DENND2A: variants seen among roughly 807,000 people sequenced by gnomAD.
DENND2A encodes DENN domain containing 2A.
Under a neutral mutation model 105.3 loss-of-function variants are expected in DENND2A, and 53 were observed. That is an observed-to-expected ratio of 0.50 (90% CI 0.40 to 0.63). The LOEUF (loss-of-function observed/expected upper bound fraction) is 0.63. DENND2A is among the 30% of genes least tolerant of loss of function. The pLI is 0.00. For missense variants in DENND2A, 1,138 were observed against 1,279.6 expected, an observed-to-expected ratio of 0.89 and a Z score of 1.69; for synonymous variants, 522 against 508.4, an observed-to-expected ratio of 1.03 and a Z score of -0.36.
chr7:140,602,517 C>G lies in DENND2A; in HGVS notation c.-120G>C. 8.8e-7 allele frequency: 1 copy of G among 1,134,890 alleles called. No homozygotes were observed. The highest frequency in any genetic ancestry group is 1.2e-6 in the Non-Finnish European group (1 of 833,608). The allele number at this position is 1,134,890 out of a possible 1,614,324, so 70.3% of individuals were successfully genotyped here. A position where few individuals can be genotyped will look rare whatever the true frequency, so the allele number is the denominator to read the frequency against. On this transcript the variant is annotated 5_prime_UTR_variant, in exon 3 of 20. Coordinates refer to ENST00000496613, the MANE Select transcript of DENND2A (RefSeq NM_015689.5). ...AGTGGATGCCTTCGAGGGTCTTTCT[C>G]AGTCCTTGGACCTTCCACCTTGACC... is the stretch of plus-strand genomic sequence containing the variant.
At chr7:140,589,341 G>A (rs73736633) in intron 3 of DENND2A, among the ~76,000 whole-genome samples, 3,615 of 152,274 alleles carry the variant, frequency 0.024, 145 homozygotes, top group African/African-American at 0.082. Flanking sequence ...TTACATTGCT[G>A]CATTACACAG....
chr7:140,548,861 C>T (rs1481074385), intron 12 of DENND2A, among the ~76,000 whole-genome samples: 1 of 151,876 alleles, frequency 6.6e-6, no homozygotes, highest in East Asian at 2.0e-4. Flanking sequence ...GATCCACCCA[C>T]CTCGGCTTCC....
chr7:140,626,325 G>A (rs1462145773), intron 1 of DENND2A, among the ~76,000 whole-genome samples: 1 of 152,218 alleles, frequency 6.6e-6, no homozygotes, highest in Non-Finnish European at 1.5e-5. Flanking sequence ...GCAGCCCTCA[G>A]GCTGCCATTT....
At chr7:140,575,497 T>A (rs1036471028) in intron 5 of DENND2A, among the ~76,000 whole-genome samples, 24 of 152,000 alleles carry the variant, frequency 1.6e-4, no homozygotes, top group African/African-American at 5.8e-4. Context: ...GATATACTCT[T>A]ATTTGTGCAA....
chr7:140,572,193 G>T (rs193045692), intron 6 of DENND2A, among the ~76,000 whole-genome samples: 1 of 151,876 alleles, frequency 6.6e-6, no homozygotes, highest in Admixed American at 6.6e-5. Context: ...TTTTTGTAGA[G>T]ATGGGGTTCC....
At chr7:140,546,655 T>A in intron 13 of DENND2A, 144 bp downstream of exon 13, 1 of 1,059,860 alleles carries the variant, frequency 9.4e-7, no homozygotes, top group Non-Finnish European at 1.3e-6. Flanking sequence ...GAACTCATGA[T>A]GAGTGATCTG....
intron 1 of DENND2A, among the ~76,000 whole-genome samples, chr7:140,610,219 C>T (rs1799844189): frequency 6.6e-6 from 1 of 151,786 alleles, no homozygotes; most frequent in Non-Finnish European, 1.5e-5. Context: ...AATCCTCCCA[C>T]CTTGGCCTCC....
At chr7:140,619,931 G>A (rs1032044015) in intron 1 of DENND2A, among the ~76,000 whole-genome samples, 11 of 151,854 alleles carry the variant, frequency 7.2e-5, no homozygotes, top group African/African-American at 2.4e-5. Context: ...AGTGACTCAC[G>A]CCTGTAACCC....
rs557733540 is a variant in DENND2A, at chr7:140,559,965, C to T, written c.1780-148G>A. The T allele has an allele frequency of 7.3e-6, 5 of 688,888 alleles. No individual in the cohort carries two copies. Among genetic ancestry groups the T allele is most frequent in the African/African-American group, 1.8e-5 (1 of 55,630 alleles). 42.7% of individuals were successfully genotyped at this position (688,888 alleles called of 1,614,324 possible). On this transcript the variant is annotated intron_variant, in intron 9 of 19. Coordinates refer to ENST00000496613, the MANE Select transcript of DENND2A (RefSeq NM_015689.5). The surrounding 1 kb of genome is among the most constrained non-coding windows in gnomAD (Gnocchi z 4.1). ...CCTTGGGAAGAGCTTGCAGCTCAGT[C>T]GGCTGGGGCATTTTCCCCCCAGTGC...
In DENND2A at chr7:140,573,848, C is replaced by T. The variant is rs773572471; in HGVS notation, c.1406G>A (p.Gly469Glu). 1.9e-6 allele frequency: 3 copies of T among 1,613,992 alleles called. No homozygotes were observed. In the East Asian group the frequency reaches 6.7e-5, roughly 36 times the overall value. The change falls in exon 6 of 20, where the codon GGA becomes GAA. Residue 469 changes from glycine to glutamate, a missense_variant. Around this residue, in one of 2 missense-constraint regions of DENND2A, gnomAD observed 627 missense variants for 779.8 expected, o/e 0.80. Coordinates refer to ENST00000496613, the MANE Select transcript of DENND2A (RefSeq NM_015689.5). Reference protein sequence around the residue: ...SSPDDIFFNLGDPQNGRKKRK... With the variant: ...SSPDDIFFNLEDPQNGRKKRK... Reference sequence around the variant, plus strand: ...CTTCTTCCTGCCGTTCTGTGGGTCTCCAAGGTTAAAGAAAATGTCATCAGG... The same window carrying T: ...CTTCTTCCTGCCGTTCTGTGGGTCTTCAAGGTTAAAGAAAATGTCATCAGG...
At chr7:140,596,362 A>G (rs1799282394) in intron 3 of DENND2A, among the ~76,000 whole-genome samples, 1 of 152,216 alleles carries the variant, frequency 6.6e-6, no homozygotes, top group African/African-American at 2.4e-5. Context: ...TCCTTTGAAG[A>G]CTTGAAACAT....
intron 1 of DENND2A, among the ~76,000 whole-genome samples, chr7:140,632,840 C>T (rs1277354037): frequency 6.7e-6 from 1 of 149,512 alleles, no homozygotes; most frequent in African/African-American, 2.5e-5. Flanking sequence ...GTTGGGGTTA[C>T]AGGCATGAGC....
chr7:140,567,422 C>A (rs1272430698), intron 8 of DENND2A, 149 bp from the exon 9 acceptor site: 1 of 661,112 alleles, frequency 1.5e-6, no homozygotes, highest in Non-Finnish European at 2.4e-6. Flanking sequence ...ATGTAATTAT[C>A]AGCTCAAGTA....
intron 1 of DENND2A, among the ~76,000 whole-genome samples, chr7:140,623,554 C>T (rs1449853330): frequency 6.6e-6 from 1 of 151,006 alleles, no homozygotes; most frequent in Non-Finnish European, 1.5e-5. Flanking sequence ...ATGGTGAAAC[C>T]CCGTCTCTAC....
Position 140,587,649 on chromosome 7 carries a change from T to C in DENND2A, c.1123+4A>G, listed in dbSNP as rs1798839378. 1 of 1,613,510 alleles carries C rather than the reference T, an allele frequency of 6.2e-7. No homozygotes were observed. The highest frequency in any genetic ancestry group is 1.3e-5 in the African/African-American group (1 of 74,876). On this transcript the variant is annotated splice_donor_region_variant and intron_variant, in intron 4 of 19. Transcript: ENST00000496613. ...ATCCGCACACAGACGCTGTGGCTTC[T>C]TACCTAGAATGTCTTCATAGACGTT... is the stretch of plus-strand genomic sequence containing the variant.
At chr7:140,575,480 C>T (rs1312580625) in intron 5 of DENND2A, among the ~76,000 whole-genome samples, 1 of 152,112 alleles carries the variant, frequency 6.6e-6, no homozygotes, top group Non-Finnish European at 1.5e-5. Flanking sequence ...TAGGAATTTA[C>T]TCTGCTGATA....
intron 1 of DENND2A, among the ~76,000 whole-genome samples, chr7:140,637,113 G>A (rs1800967739): frequency 6.6e-6 from 1 of 150,860 alleles, no homozygotes; most frequent in African/African-American, 2.4e-5. Context: ...GCCTCCCAAA[G>A]CGTTGGGATT....
intron 12 of DENND2A, among the ~76,000 whole-genome samples, chr7:140,547,242 A>G (rs1346768136): frequency 6.6e-6 from 1 of 152,206 alleles, no homozygotes; most frequent in Non-Finnish European, 1.5e-5. Flanking sequence ...ATGCATTCTC[A>G]ATGAAGGTAA....
chr7:140,576,697 T>C (rs1325526752), intron 5 of DENND2A, among the ~76,000 whole-genome samples: 1 of 152,232 alleles, frequency 6.6e-6, no homozygotes, highest in East Asian at 1.9e-4. Context: ...CCAGCTCCAA[T>C]GTTTTATCAC....
Sources: allele counts gnomAD v4.1 joint callset (sites outside exome capture counted in the v4.1 genomes callset), GRCh38; gene constraint gnomAD v4.1.1; regional missense constraint gnomAD v4.1.1; non-coding constraint Gnocchi (gnomAD v3.1); transcripts MANE v1.5; gene names NCBI Gene and HGNC (gene_info 2026-07-23, HGNC 2026-07-21).